Variants in PDE4D observed in about 807,000 individuals in gnomAD.
PDE4D encodes the protein 3',5'-cyclic-AMP phosphodiesterase 4D.
PDE4D carries 24 observed loss-of-function variants against 87.4 expected under a neutral mutation model. The ratio of observed to expected loss-of-function variants is 0.27; its 90% CI spans 0.20 to 0.39. PDE4D has a LOEUF of 0.39. Ranked by LOEUF, PDE4D falls within the 10% of genes least tolerant of loss-of-function variation. The probability of loss-of-function intolerance (pLI) is 1.00; values close to 1 mark genes in which losing one functional copy is unlikely to be tolerated. For synonymous variants in PDE4D, 384 were observed against 383.2 expected (o/e 1.00, Z -0.02); for missense variants, 714 against 1,041.0 (o/e 0.69, Z 4.32).
At chr5:59,206,978 T>A (rs1018837843) in intron 2 of PDE4D, among the ~76,000 whole-genome samples, 1 of 152,042 alleles carries the variant, frequency 6.6e-6, no homozygotes, top group African/African-American at 2.4e-5. Flanking sequence ...AGCTCAGGAA[T>A]TCGAGACCAA....
intron 6 of PDE4D, among the ~76,000 whole-genome samples, chr5:59,000,132 G>T (rs757096398): frequency 8.5e-5 from 13 of 152,166 alleles, no homozygotes; most frequent in Non-Finnish European, 1.8e-4. Context: ...TATCCCTGCA[G>T]CTCTGAGGCC....
intron 1 of PDE4D, among the ~76,000 whole-genome samples, chr5:59,229,869 G>T (rs1416377342): frequency 6.6e-6 from 1 of 152,116 alleles, no homozygotes; most frequent in Non-Finnish European, 1.5e-5. Flanking sequence ...TGCGATCTCG[G>T]CTCACTGCAA....
At chr5:60,421,655 C>CCT (rs1743110971) in intron 1 of PDE4D, among the ~76,000 whole-genome samples, 1 of 152,176 alleles carries the variant, frequency 6.6e-6, no homozygotes, top group South Asian at 2.1e-4. Flanking sequence ...GATCACAGCT[C>CCT]CTCACGAGCT....
chr5:59,744,254 C>A (rs1040622099), intron 1 of PDE4D, among the ~76,000 whole-genome samples: 1 of 152,126 alleles, frequency 6.6e-6, no homozygotes, highest in Non-Finnish European at 1.5e-5. Context: ...ATTTTGACAT[C>A]TCTTCTTTCC....
intron 1 of PDE4D, among the ~76,000 whole-genome samples, 185 bp downstream of exon 1, chr5:59,892,983 C>T (rs1751181624): frequency 6.6e-6 from 1 of 152,004 alleles, no homozygotes; most frequent in Admixed American, 6.6e-5. Flanking sequence ...GGGTCTCTTA[C>T]ACACACCTGA....
intron 1 of PDE4D, among the ~76,000 whole-genome samples, chr5:60,376,250 C>T (rs1045985778): frequency 2.0e-5 from 3 of 152,120 alleles, no homozygotes; most frequent in African/African-American, 7.2e-5. Context: ...TGGTGATAAA[C>T]CCACAGCAAC....
At chr5:60,166,548 T>G (rs929581142) in intron 2 of PDE4D, among the ~76,000 whole-genome samples, 1 of 152,246 alleles carries the variant, frequency 6.6e-6, no homozygotes, top group African/African-American at 2.4e-5. Flanking sequence ...CTTTTAACCT[T>G]TCTTCTAAAG....
chr5:59,630,956 T>C (rs1831495962), intron 1 of PDE4D, among the ~76,000 whole-genome samples: 1 of 152,202 alleles, frequency 6.6e-6, no homozygotes. Flanking sequence ...ACAATTTCTA[T>C]GTCTCATATT....
At chr5:60,431,488 A>T (rs1490689017) in intron 1 of PDE4D, among the ~76,000 whole-genome samples, 3 of 150,880 alleles carry the variant, frequency 2.0e-5, no homozygotes, top group Admixed American at 2.0e-4. Flanking sequence ...GGCCGGGCAG[A>T]GACGCTCCTC....
intron 1 of PDE4D, among the ~76,000 whole-genome samples, chr5:59,626,295 A>G (rs554483180): frequency 6.6e-6 from 1 of 152,360 alleles, no homozygotes; most frequent in South Asian, 2.1e-4. Flanking sequence ...ATATGGAACC[A>G]TGGTAATGGT....
intron 1 of PDE4D, among the ~76,000 whole-genome samples, chr5:60,278,916 C>T (rs1265995891): frequency 6.6e-6 from 1 of 152,150 alleles, no homozygotes; most frequent in Admixed American, 6.5e-5. Flanking sequence ...CTATTAATTG[C>T]AATTTTCCTT....
intron 2 of PDE4D, among the ~76,000 whole-genome samples, chr5:59,208,674 TATTTTAAATCCCCCAGTTCAAGG>T (rs1749390666): frequency 6.6e-6 from 1 of 152,246 alleles, no homozygotes; most frequent in African/African-American, 2.4e-5. Flanking sequence ...ATTCAGCTAA[TATTTTAAATCCCCCAGTTCAAGG>T]ATTGAAGAAA....
chr5:59,996,040 C>T lies in PDE4D; in HGVS notation c.43-7323G>A, dbSNP rs147056578. Among the ~76,000 whole-genome samples, 387 of 152,280 alleles carry T rather than the reference C, an allele frequency of 2.5e-3. 3 individuals carry two copies. Among genetic ancestry groups the T allele is most frequent in the African/African-American group, 8.4e-3 (350 of 41,560 alleles). On this transcript the variant is annotated intron_variant, in intron 2 of 16. Transcript: ENST00000502484. ...AGTTGAAACACATAATAGGGAATTT[C>T]TATAAAAATTCCAAAACTTCAGCCA...
intron 1 of PDE4D, among the ~76,000 whole-genome samples, chr5:59,726,019 C>T (rs184744050): frequency 3.3e-4 from 50 of 152,168 alleles, no homozygotes; most frequent in Admixed American, 3.1e-3. Context: ...ATGCCCACAC[C>T]ACTGTGTCTG....
intron 1 of PDE4D, among the ~76,000 whole-genome samples, chr5:59,533,527 A>T (rs983701560): frequency 6.6e-6 from 1 of 152,230 alleles, no homozygotes; most frequent in African/African-American, 2.4e-5. Context: ...GCCTGTGACT[A>T]CATATGGATA....
intron 3 of PDE4D, chr5:59,988,225 C>A: frequency 2.9e-6 from 1 of 343,078 alleles, no homozygotes; most frequent in East Asian, 4.6e-5. Context: ...ATTAATTTTC[C>A]AAGTACAACT....
chr5:60,409,403 C>T (rs147116112), intron 1 of PDE4D, among the ~76,000 whole-genome samples: 29 of 151,982 alleles, frequency 1.9e-4, no homozygotes, highest in African/African-American at 6.5e-4. Context: ...TTGTGAGAGG[C>T]GGAGCAATTA....
chr5:59,039,117 C>G (rs1759120288), intron 5 of PDE4D, 146 bp from the exon 6 acceptor site: 1 of 1,385,606 alleles, frequency 7.2e-7, no homozygotes, highest in Non-Finnish European at 9.4e-7. Flanking sequence ...TATTGCCCAG[C>G]CCGGCAGTGC....
chr5:59,092,067 C>T (rs1159222876), intron 5 of PDE4D, among the ~76,000 whole-genome samples: 1 of 152,170 alleles, frequency 6.6e-6, no homozygotes, highest in African/African-American at 2.4e-5. Flanking sequence ...ACAGCAAAGA[C>T]AACAGAGCAC....
Sources: allele counts gnomAD v4.1 joint callset (sites outside exome capture counted in the v4.1 genomes callset), GRCh38; gene constraint gnomAD v4.1.1; transcripts MANE v1.5; gene names NCBI Gene and HGNC (gene_info 2026-07-23, HGNC 2026-07-21).